The following LPXN variants were observed in gnomAD, a reference collection of about 807,000 sequenced individuals.
The protein encoded by LPXN is leupaxin.
In LPXN, 28 loss-of-function variants were observed where a neutral mutation model predicts 45.6. The ratio of observed to expected loss-of-function variants is 0.61; its 90% CI spans 0.45 to 0.84. The LOEUF (loss-of-function observed/expected upper bound fraction) is 0.84, where lower values mean the gene tolerates loss of function less well. LPXN is among the 40% of genes least tolerant of loss of function. The pLI is 0.00. For missense variants in LPXN, 459 were observed against 475.0 expected, an observed-to-expected ratio of 0.97 and a Z score of 0.31; for synonymous variants, 166 against 169.9, an observed-to-expected ratio of 0.98 and a Z score of 0.18.
At chr11:58,578,040 T>A, upstream of LPXN, 2 of 1,550,778 alleles carry the variant, frequency 1.3e-6, no homozygotes, top group South Asian at 2.4e-5. Context: ...ATCAATAATG[T>A]AGACATGAAC....
chr11:58,532,535 G>T (rs548714365), intron 7 of LPXN, among the ~76,000 whole-genome samples: 9 of 151,982 alleles, frequency 5.9e-5, no homozygotes, highest in African/African-American at 1.9e-4. Flanking sequence ...CTAAAGGTTT[G>T]TAAATGCACC....
intron 2 of LPXN, among the ~76,000 whole-genome samples, chr11:58,569,910 C>T (rs1854634087): frequency 2.6e-5 from 4 of 152,180 alleles, no homozygotes; most frequent in Admixed American, 2.6e-4. Context: ...AGTACCATTC[C>T]AGTCAAACTG....
At chr11:58,576,032 C>A, upstream of LPXN, 1 of 1,112,806 alleles carries the variant, frequency 9.0e-7, no homozygotes, top group Non-Finnish European at 1.2e-6. Context: ...AGTGCATTGG[C>A]CAGGGTGATA....
chr11:58,572,603 A>G (rs1206325416), intron 1 of LPXN, among the ~76,000 whole-genome samples: 1 of 152,126 alleles, frequency 6.6e-6, no homozygotes, highest in Non-Finnish European at 1.5e-5. Context: ...TGTGATAATG[A>G]TATTTAATAA....
At chr11:58,550,288 C>G in intron 5 of LPXN, 142 bp from the exon 6 acceptor site, 1 of 781,640 alleles carries the variant, frequency 1.3e-6, no homozygotes. Context: ...GAGGCCTAGA[C>G]CTAGGTTCCA....
intron 1 of LPXN, among the ~76,000 whole-genome samples, chr11:58,573,246 CAAAAAAA>C (rs59534059): frequency 1.1e-5 from 1 of 90,490 alleles, no homozygotes; most frequent in Non-Finnish European, 2.7e-5. Context: ...AACTCCGTCT[CAAAAAAA>C]AAAAAAAAGA....
chr11:58,575,908 G>T, upstream of LPXN: 8 of 1,520,660 alleles, frequency 5.3e-6, no homozygotes, highest in South Asian at 1.3e-5. Context: ...TCCTGTATTT[G>T]CTTAGCACTT....
chr11:58,574,990 T>G (rs1854837262), intron 1 of LPXN, among the ~76,000 whole-genome samples: 1 of 152,214 alleles, frequency 6.6e-6, no homozygotes, highest in Non-Finnish European at 1.5e-5. Flanking sequence ...AGTGACTCAG[T>G]GTTAGTTAAG....
At chr11:58,531,203 C>A (rs1285833858) in intron 7 of LPXN, among the ~76,000 whole-genome samples, 3 of 152,050 alleles carry the variant, frequency 2.0e-5, no homozygotes, top group Non-Finnish European at 4.4e-5. Flanking sequence ...AAGAATGAGT[C>A]TGACGAACTG....
Position 58,550,992 on chromosome 11 carries a change from G to A in LPXN, c.486+73C>T, listed in dbSNP as rs73487770. 4,627 of 1,359,578 alleles carry A rather than the reference G, an allele frequency of 3.4e-3. 135 individuals are homozygous for A. In the African/African-American group the frequency reaches 0.06, roughly 18 times the overall value. 84.2% of individuals were successfully genotyped at this position (1,359,578 alleles called of 1,614,324 possible). On this transcript the variant is annotated intron_variant, in intron 5 of 8. Coordinates refer to ENST00000395074, the MANE Select transcript of LPXN (RefSeq NM_004811.3). ...TAACTAAAATATCTTAAAATATAAG[G>A]GGAAAGAGCAAACCTTGATGAGACA... is the stretch of plus-strand genomic sequence containing the variant.
At chr11:58,538,940 CTG>C (rs904459407) in intron 7 of LPXN, among the ~76,000 whole-genome samples, 1 of 151,960 alleles carries the variant, frequency 6.6e-6, no homozygotes, top group African/African-American at 2.4e-5. Flanking sequence ...AAACAAAAAA[CTG>C]TATCATTATA....
chr11:58,578,811 CGCACTGCCCCTA>C (rs1254447407), upstream of LPXN, among the ~76,000 whole-genome samples: 1 of 151,936 alleles, frequency 6.6e-6, no homozygotes, highest in Non-Finnish European at 1.5e-5. Context: ...ACCTGCCCCT[CGCACTGCCCCTA>C]GCGCGCGTTG....
chr11:58,545,446 T>C (rs1853849322), intron 7 of LPXN, among the ~76,000 whole-genome samples: 1 of 152,238 alleles, frequency 6.6e-6, no homozygotes, highest in African/African-American at 2.4e-5. Flanking sequence ...CAGACTTTTA[T>C]GGCTACCAGT....
Position 58,527,553 on chromosome 11 carries a change from C to A in LPXN, c.1062G>T (p.Val354=). The part of the protein sequence containing the change: ...MGYKFHPEHF[V]CAFCLTQLSK... Reference sequence around the variant, plus strand: ...ACAACTGTGTCAGGCAGAAAGCACACACAAAGTGCTCAGGATGGAACTTGT... The same window carrying A: ...ACAACTGTGTCAGGCAGAAAGCACAAACAAAGTGCTCAGGATGGAACTTGT... Residue 354 remains valine, a synonymous_variant, in exon 9 of 9, where the codon GTG becomes GTT. Coordinates refer to ENST00000395074, the MANE Select transcript of LPXN (RefSeq NM_004811.3). 1.2e-6 allele frequency: 2 copies of A among 1,614,188 alleles called. No individual in the cohort carries two copies. Among genetic ancestry groups the A allele is most frequent in the South Asian group, 1.1e-5 (1 of 91,086 alleles).
intron 7 of LPXN, among the ~76,000 whole-genome samples, chr11:58,543,339 G>A (rs779856857): frequency 6.6e-6 from 1 of 152,138 alleles, no homozygotes; most frequent in Non-Finnish European, 1.5e-5. Flanking sequence ...CTGCTCCCGA[G>A]TATATTGCAA....
At chr11:58,555,768 G>GCACA (rs5792108) in intron 3 of LPXN, among the ~76,000 whole-genome samples, 27 of 149,562 alleles carry the variant, frequency 1.8e-4, no homozygotes, top group Middle Eastern at 3.4e-3. Context: ...TCACACACAT[G>GCACA]CACACACACA....
rs536283217 is a variant in LPXN at position 58,529,084 on chromosome 11, G to A, written c.743-893C>T. On this transcript the variant is annotated intron_variant, in intron 7 of 8. Coordinates refer to ENST00000395074, the MANE Select transcript of LPXN (RefSeq NM_004811.3). The stretch of plus-strand genomic sequence containing the variant: ...TTGCATTTCATATCTTGTCATTAAT[G>A]ATGTATTCCTCTTTAATCTGGAAAC... Among the ~76,000 whole-genome samples the A allele has an allele frequency of 7.9e-5, 12 of 152,038 alleles. No individual in the cohort carries two copies. In the South Asian group the frequency reaches 2.1e-3, roughly 26 times the overall value.
chr11:58,565,208 A>T (rs901859019), intron 2 of LPXN, among the ~76,000 whole-genome samples: 3 of 152,138 alleles, frequency 2.0e-5, no homozygotes, highest in African/African-American at 7.2e-5. Context: ...CAGCCGAGGC[A>T]GACGGGTCAC....
chr11:58,541,192 A>C (rs1853707287), intron 7 of LPXN, among the ~76,000 whole-genome samples: 1 of 152,214 alleles, frequency 6.6e-6, no homozygotes, highest in Non-Finnish European at 1.5e-5. Flanking sequence ...GACAAATGGG[A>C]TCTAATTAAA....
Sources: allele counts gnomAD v4.1 joint callset (sites outside exome capture counted in the v4.1 genomes callset), GRCh38; gene constraint gnomAD v4.1.1; transcripts MANE v1.5; gene names NCBI Gene and HGNC (gene_info 2026-07-23, HGNC 2026-07-21).